PPP2R3A: variants seen among roughly 807,000 people sequenced by gnomAD.
The protein encoded by PPP2R3A is protein phosphatase 2 regulatory subunit B''alpha, also known as serine/threonine-protein phosphatase 2A regulatory subunit B'' subunit alpha.
A neutral mutation model predicts 106.9 loss-of-function variants in PPP2R3A; 80 were observed. The ratio of observed to expected loss-of-function variants is 0.75; its 90% confidence interval spans 0.62 to 0.90. The LOEUF is 0.90. Ranked by LOEUF, PPP2R3A falls within the 40% of genes least tolerant of loss-of-function variation. The pLI is 0.00. For missense variants in PPP2R3A, 1,386 were observed against 1,350.4 expected, an observed-to-expected ratio of 1.03 and a Z score of -0.41; for synonymous variants, 483 against 468.3, an observed-to-expected ratio of 1.03 and a Z score of -0.41.
At chr3:136,011,773 T>C (rs963342380) in intron 2 of PPP2R3A, among the ~76,000 whole-genome samples, 2 of 152,206 alleles carry the variant, frequency 1.3e-5, no homozygotes, top group African/African-American at 4.8e-5. Context: ...TGAGGAGTTA[T>C]TCTGTCATCC....
In PPP2R3A at chr3:136,102,155, C is replaced by A. The variant is rs1937378937; in HGVS notation, c.3076C>A (p.Leu1026Ile). Residue 1026 changes from leucine (L) to isoleucine (I), a missense_variant, in exon 11 of 14, where the codon CTT (leucine) becomes ATT (isoleucine). Transcript: ENST00000264977. ...ATTCCATGATTTACTGTGCCAGATGCTTGACCTAGTGAAGCCAGCTGTTGA... is the reference window on the plus strand; with the variant it reads ...ATTCCATGATTTACTGTGCCAGATGATTGACCTAGTGAAGCCAGCTGTTGA... The part of the protein sequence containing the change: ...LPFHDLLCQM[L>I]DLVKPAVDGK... 2 of 1,613,256 alleles carry A rather than the reference C, an allele frequency of 1.2e-6. No homozygotes were observed. The highest frequency in any genetic ancestry group is 1.1e-5 in the South Asian group (1 of 91,056).
chr3:136,143,477 C>G (rs1486671126), intron 13 of PPP2R3A, among the ~76,000 whole-genome samples: 1 of 151,952 alleles, frequency 6.6e-6, no homozygotes, highest in Non-Finnish European at 1.5e-5. Context: ...GGCAACAGAG[C>G]AAGACTCCAT....
intron 5 of PPP2R3A, among the ~76,000 whole-genome samples, chr3:136,065,950 C>G (rs890577557): frequency 6.6e-6 from 1 of 152,190 alleles, no homozygotes; most frequent in Non-Finnish European, 1.5e-5. Context: ...GCTGGAATTG[C>G]AGGTGAATCA....
At chr3:136,024,244 G>A (rs1934570445) in intron 2 of PPP2R3A, among the ~76,000 whole-genome samples, 1 of 152,074 alleles carries the variant, frequency 6.6e-6, no homozygotes, top group East Asian at 1.9e-4. Flanking sequence ...AAATCTGGCA[G>A]AATTTATGTT....
intron 1 of PPP2R3A, among the ~76,000 whole-genome samples, chr3:135,966,108 G>A (rs1233254463): frequency 6.6e-6 from 1 of 152,110 alleles, no homozygotes; most frequent in Non-Finnish European, 1.5e-5. Flanking sequence ...AGGGAGGTGT[G>A]GAAATTGCCT....
At chr3:136,136,233 A>G (rs926859332) in intron 13 of PPP2R3A, among the ~76,000 whole-genome samples, 3 of 151,980 alleles carry the variant, frequency 2.0e-5, no homozygotes, top group African/African-American at 7.3e-5. Flanking sequence ...GACTTGGCAC[A>G]CTGAGCTGTT....
intron 13 of PPP2R3A, among the ~76,000 whole-genome samples, chr3:136,120,137 G>A (rs777319372): frequency 3.3e-5 from 5 of 151,852 alleles, no homozygotes; most frequent in African/African-American, 7.3e-5. Flanking sequence ...CCTGTCCGGG[G>A]GGGGTGGGGG....
At chr3:136,030,241 A>T (rs1319740077) in intron 3 of PPP2R3A, among the ~76,000 whole-genome samples, 3 of 148,976 alleles carry the variant, frequency 2.0e-5, no homozygotes, top group Admixed American at 2.0e-4. Flanking sequence ...GGCGGGGGGG[A>T]TGTGTATATA....
At chr3:136,058,486 A>G (rs751240377) in intron 5 of PPP2R3A, among the ~76,000 whole-genome samples, 6 of 152,226 alleles carry the variant, frequency 3.9e-5, no homozygotes, top group Non-Finnish European at 7.3e-5. Flanking sequence ...AAGGAGAACT[A>G]CAAACCACTG....
intron 13 of PPP2R3A, among the ~76,000 whole-genome samples, chr3:136,119,445 A>T (rs1187315389): frequency 6.6e-6 from 1 of 152,246 alleles, no homozygotes; most frequent in African/African-American, 2.4e-5. Context: ...ACAGAATGGG[A>T]GAAAATTTTT....
At chr3:135,979,205 C>A (rs1035277314) in intron 1 of PPP2R3A, among the ~76,000 whole-genome samples, 8 of 151,360 alleles carry the variant, frequency 5.3e-5, no homozygotes, top group African/African-American at 2.0e-4. Context: ...ATGGTGAAAC[C>A]CCGTCTCTAC....
At chr3:136,098,000 A>C (rs1408617816) in intron 10 of PPP2R3A, among the ~76,000 whole-genome samples, 1 of 152,244 alleles carries the variant, frequency 6.6e-6, no homozygotes, top group Non-Finnish European at 1.5e-5. Context: ...CACCATAGCC[A>C]ACCTATTACC....
At chr3:136,131,320 G>GA (rs1378068869) in intron 13 of PPP2R3A, among the ~76,000 whole-genome samples, 4 of 151,842 alleles carry the variant, frequency 2.6e-5, no homozygotes, top group Non-Finnish European at 5.9e-5. Flanking sequence ...AAATTTACAA[G>GA]AAAAAAACAA....
intron 3 of PPP2R3A, among the ~76,000 whole-genome samples, chr3:136,034,604 A>G (rs998745711): frequency 2.0e-5 from 3 of 152,044 alleles, no homozygotes; most frequent in African/African-American, 4.8e-5. Flanking sequence ...TATAATTTCA[A>G]CTTTCTTAAA....
chr3:136,013,111 C>T (rs771125066), intron 2 of PPP2R3A, among the ~76,000 whole-genome samples: 3 of 151,372 alleles, frequency 2.0e-5, no homozygotes, highest in Non-Finnish European at 2.9e-5. Flanking sequence ...CAGGTTTCTG[C>T]GAATGCCATT....
chr3:136,037,710 A>T (rs1303842788), intron 3 of PPP2R3A, among the ~76,000 whole-genome samples: 3 of 152,238 alleles, frequency 2.0e-5, no homozygotes, highest in Admixed American at 6.5e-5. Flanking sequence ...TTGAAAGAAG[A>T]TTACAAACAT....
intron 2 of PPP2R3A, among the ~76,000 whole-genome samples, chr3:136,004,254 C>G (rs1933764576): frequency 6.6e-6 from 1 of 152,196 alleles, no homozygotes; most frequent in African/African-American, 2.4e-5. Context: ...TATTTACATA[C>G]GTGTGTCGTA....
chr3:136,108,534 T>C (rs1937550692), intron 13 of PPP2R3A, among the ~76,000 whole-genome samples: 1 of 152,098 alleles, frequency 6.6e-6, no homozygotes, highest in South Asian at 2.1e-4. Context: ...TAGTAAAGTA[T>C]ATTAAAAGAC....
intron 2 of PPP2R3A, among the ~76,000 whole-genome samples, chr3:136,015,981 C>G (rs975247525): frequency 3.3e-5 from 5 of 152,072 alleles, no homozygotes; most frequent in African/African-American, 1.2e-4. Flanking sequence ...CTTAGCACCA[C>G]TTTTGCTGTA....
Sources: gnomAD v4.1 joint callset for allele counts (sites outside exome capture counted in the v4.1 genomes callset) on GRCh38, gnomAD v4.1.1 for gene constraint, MANE v1.5 for transcripts, NCBI Gene and HGNC (gene_info 2026-07-23, HGNC 2026-07-21) for gene names.